Variants in RBFOX3 observed in about 807,000 individuals in gnomAD.
RBFOX3 encodes RNA binding protein fox-1 homolog 3.
A neutral mutation model predicts 48.7 loss-of-function variants in RBFOX3; 17 were observed. The ratio of observed to expected loss-of-function variants is 0.35; its 90% CI spans 0.24 to 0.52. RBFOX3 has a LOEUF of 0.52. Among genes scored for constraint, RBFOX3 ranks in the 20% least tolerant of loss-of-function variants. The probability of loss-of-function intolerance (pLI) is 0.94; values close to 1 mark genes in which losing one functional copy is unlikely to be tolerated. For synonymous variants in RBFOX3, 212 were observed against 209.5 expected (o/e 1.01, Z -0.10); for missense variants, 382 against 497.5 (o/e 0.77, Z 2.21).
chr17:79,487,157 G>C (rs1207475577), intron 1 of RBFOX3, among the ~76,000 whole-genome samples: 1 of 152,222 alleles, frequency 6.6e-6, no homozygotes, highest in Non-Finnish European at 1.5e-5. Flanking sequence ...GGAAGATTGA[G>C]GAGGGCCATG....
chr17:79,536,941 T>C lies in RBFOX3; in HGVS notation c.-319-54343A>G, dbSNP rs572926040. 2.2e-4 allele frequency among the ~76,000 whole-genome samples: 34 copies of C among 151,936 alleles called. No homozygotes were observed. In the South Asian group the frequency reaches 6.5e-3, roughly 29 times the overall value. On this transcript the variant is annotated intron_variant, in intron 1 of 14. Transcript: ENST00000693108. ...TCTACTAAAAATACAAAAAATTAGC[T>C]GGGCATGGTGGCGAGCACCTGTAAT... is the stretch of plus-strand genomic sequence containing the variant.
chr17:79,416,691 G>A (rs1196128310), intron 2 of RBFOX3, among the ~76,000 whole-genome samples: 1 of 152,232 alleles, frequency 6.6e-6, no homozygotes, highest in African/African-American at 2.4e-5. Context: ...AGGTTGGGAT[G>A]GGGCTGCCAC....
chr17:79,327,610 A>T (rs969027489), intron 2 of RBFOX3, among the ~76,000 whole-genome samples: 10 of 152,180 alleles, frequency 6.6e-5, no homozygotes, highest in African/African-American at 2.4e-4. Context: ...CTACAGTCCT[A>T]CCTGCCTCAC....
intron 4 of RBFOX3, among the ~76,000 whole-genome samples, chr17:79,127,959 G>C (rs1045358171): frequency 6.6e-6 from 1 of 152,238 alleles, no homozygotes; most frequent in African/African-American, 2.4e-5. Flanking sequence ...GAGCCCTGCT[G>C]TTCTGCATGT....
chr17:79,446,866 C>A (rs7212291), intron 2 of RBFOX3, among the ~76,000 whole-genome samples: 56,227 of 152,074 alleles, frequency 0.37, 10,656 homozygotes, highest in Middle Eastern at 0.47. Flanking sequence ...AGATGTAACA[C>A]CACGGCTTCA....
At chr17:79,143,615 C>A (rs1459214399) in intron 4 of RBFOX3, among the ~76,000 whole-genome samples, 1 of 152,190 alleles carries the variant, frequency 6.6e-6, no homozygotes, top group Non-Finnish European at 1.5e-5. Flanking sequence ...TCTGCTCTGG[C>A]CACAGGTGAC....
rs1326127118 is a variant in RBFOX3, at chr17:79,471,375, A to C, written c.-175+11079T>G. On this transcript the variant is annotated intron_variant, in intron 2 of 14. Coordinates refer to ENST00000693108, the MANE Select transcript of RBFOX3 (RefSeq NM_001350451.2). This position sits in a 1 kb window ranked among gnomAD's most constrained non-coding sequence, Gnocchi z 4.0. The stretch of plus-strand genomic sequence containing the variant: ...CAAAATACTAAATAATTCAAAAATC[A>C]TGATGACCTTGCCTTGGGAACTTTT... Among the ~76,000 whole-genome samples the C allele has an allele frequency of 6.6e-6, 1 of 152,224 alleles. No individual in the cohort carries two copies. Among genetic ancestry groups the C allele is most frequent in the African/African-American group, 2.4e-5 (1 of 41,444 alleles).
At chr17:79,106,825 G>C (rs761868970) in intron 5 of RBFOX3, 37 bp from the exon 6 acceptor site, 244 of 1,481,096 alleles carry the variant, frequency 1.6e-4, no homozygotes, top group Non-Finnish European at 1.6e-4. Context: ...GGCTGCCTCT[G>C]TGTGCGGGGT....
intron 1 of RBFOX3, among the ~76,000 whole-genome samples, chr17:79,506,631 G>A (rs1955288057): frequency 1.3e-5 from 2 of 152,216 alleles, no homozygotes; most frequent in Admixed American, 1.3e-4. Flanking sequence ...GAAGCCAATT[G>A]CCGCGGCCAG....
intron 2 of RBFOX3, among the ~76,000 whole-genome samples, chr17:79,370,731 GCTCA>G (rs2058427188): frequency 1.3e-5 from 2 of 152,032 alleles, no homozygotes; most frequent in Admixed American, 6.5e-5. Flanking sequence ...ACACATACGT[GCTCA>G]CTAACACACA....
At chr17:79,649,129 C>T in the RBFOX3 span, among the ~76,000 whole-genome samples, 48 of 152,250 alleles carry the variant, frequency 3.2e-4, no homozygotes, top group African/African-American at 1.1e-3. Flanking sequence ...CAGGCACACA[C>T]CACCATGCCT....
At chr17:79,374,063 A>G (rs1598425177) in intron 2 of RBFOX3, among the ~76,000 whole-genome samples, 1 of 152,200 alleles carries the variant, frequency 6.6e-6, no homozygotes, top group East Asian at 1.9e-4. Flanking sequence ...GGGTTTCGCC[A>G]TGTTGGCCAG....
At chr17:79,662,238 T>C in the RBFOX3 span, among the ~76,000 whole-genome samples, 8 of 145,812 alleles carry the variant, frequency 5.5e-5, no homozygotes, top group African/African-American at 2.0e-4. Flanking sequence ...TTCTCCTGCC[T>C]CAGCCTCCTG....
At chr17:79,121,500 G>A (rs1599530956) in intron 4 of RBFOX3, among the ~76,000 whole-genome samples, 1 of 152,108 alleles carries the variant, frequency 6.6e-6, no homozygotes, top group African/African-American at 2.4e-5. Context: ...CCAAGCCAGT[G>A]TTCCGAGGCA....
intron 3 of RBFOX3, among the ~76,000 whole-genome samples, chr17:79,276,621 G>C (rs369613351): frequency 2.0e-5 from 3 of 152,166 alleles, no homozygotes; most frequent in Admixed American, 2.0e-4. Flanking sequence ...GGAGTGAGAG[G>C]TTGCAGTGAG....
At chr17:79,152,072 C>A (rs1220164342) in intron 4 of RBFOX3, among the ~76,000 whole-genome samples, 1 of 151,986 alleles carries the variant, frequency 6.6e-6, no homozygotes, top group South Asian at 2.1e-4. Flanking sequence ...TCAGGGCTCC[C>A]CCCACCCACC....
At chr17:79,395,556 G>A (rs957473826) in intron 2 of RBFOX3, among the ~76,000 whole-genome samples, 2 of 152,244 alleles carry the variant, frequency 1.3e-5, no homozygotes, top group African/African-American at 2.4e-5. Context: ...GTTTACAGTG[G>A]ACAGCGAGGT....
intron 1 of RBFOX3, among the ~76,000 whole-genome samples, chr17:79,574,018 G>T (rs1310036092): frequency 1.3e-5 from 2 of 152,210 alleles, no homozygotes; most frequent in African/African-American, 4.8e-5. Context: ...GGGGTGGGCT[G>T]CCCACTGGAG....
intron 14 of RBFOX3, chr17:79,091,864 C>T: frequency 1.4e-6 from 1 of 707,944 alleles, no homozygotes; most frequent in Non-Finnish European, 1.7e-6. Context: ...TCTGCTGCAG[C>T]AGTGCTAAGG....
Sources: allele counts gnomAD v4.1 joint callset (sites outside exome capture counted in the v4.1 genomes callset), GRCh38; gene constraint gnomAD v4.1.1; non-coding constraint Gnocchi (gnomAD v3.1); transcripts MANE v1.5; gene names NCBI Gene and HGNC (gene_info 2026-07-23, HGNC 2026-07-21).